The following SIL1 variants were observed in gnomAD, a reference collection of about 807,000 sequenced individuals.
SIL1 encodes nucleotide exchange factor SIL1.
SIL1 carries 40 observed loss-of-function variants against 49.1 expected under a neutral mutation model. The observed-to-expected ratio is 0.81, with a 90% CI of 0.63 to 1.06. The LOEUF (loss-of-function observed/expected upper bound fraction) is 1.06. SIL1 is among the 50% of genes least tolerant of loss of function. The pLI, the probability that SIL1 is intolerant of heterozygous loss-of-function variation, is 0.00. For missense variants in SIL1, 500 were observed against 572.6 expected, an observed-to-expected ratio of 0.87 and a Z score of 1.29; for synonymous variants, 253 against 250.8, an observed-to-expected ratio of 1.01 and a Z score of -0.08.
At chr5:139,026,477 C>T (rs1190903042) in intron 6 of SIL1, among the ~76,000 whole-genome samples, 1 of 152,126 alleles carries the variant, frequency 6.6e-6, no homozygotes, top group Admixed American at 6.5e-5. Context: ...GTGGTGCACA[C>T]CTGTAATCCC....
rs553438411 is a variant in SIL1, at chr5:139,062,780, T to A, written c.245-11734A>T. ...AACCACATTTAGGACATGGTGAGCC[T>A]CTTTCCATAAGTGGCTAGTCCACAA... is the stretch of plus-strand genomic sequence containing the variant. On this transcript the variant is annotated intron_variant, in intron 3 of 9. Transcript: ENST00000394817. Among the ~76,000 whole-genome samples, 6 of 152,336 alleles carry A rather than the reference T, an allele frequency of 3.9e-5. No individual in the cohort carries two copies. In the South Asian group the frequency reaches 1.2e-3, roughly 32 times the overall value.
intron 7 of SIL1, among the ~76,000 whole-genome samples, chr5:138,958,800 T>C (rs1163960102): frequency 6.6e-6 from 1 of 152,202 alleles, no homozygotes; most frequent in Non-Finnish European, 1.5e-5. Context: ...ACCTGTACCA[T>C]GATGTTTGTC....
intron 1 of SIL1, among the ~76,000 whole-genome samples, chr5:139,148,735 A>T (rs974106491): frequency 2.0e-5 from 3 of 152,206 alleles, no homozygotes; most frequent in African/African-American, 7.2e-5. Context: ...CACTCTTACA[A>T]CAAGGGCCCC....
At position 139,044,135 on chromosome 5, in the gene SIL1, A is replaced by T. The variant is rs114491071; in HGVS notation, c.354-1416T>A. ...ATAGCTAGTAACTCATTTATTGAGC[A>T]TTTAGCCATGTGTTAGGCAGTGTGT... On this transcript the variant is annotated intron_variant, in intron 4 of 9. Coordinates refer to ENST00000394817, the MANE Select transcript of SIL1 (RefSeq NM_022464.5). 8.3e-4 allele frequency among the ~76,000 whole-genome samples: 126 copies of T among 152,324 alleles called. 1 individual carries two copies. Among genetic ancestry groups the T allele is most frequent in the African/African-American group, 2.9e-3 (120 of 41,576 alleles).
chr5:139,190,786 T>C (rs1463047023), intron 1 of SIL1, among the ~76,000 whole-genome samples: 1 of 152,214 alleles, frequency 6.6e-6, no homozygotes, highest in African/African-American at 2.4e-5. Context: ...CCCTGATGTT[T>C]GCAAGGAAAT....
At chr5:138,963,061 A>T (rs1002970234) in intron 7 of SIL1, among the ~76,000 whole-genome samples, 3 of 152,220 alleles carry the variant, frequency 2.0e-5, no homozygotes, top group Admixed American at 1.3e-4. Context: ...ACTGAGATTT[A>T]TCAACTTTAT....
chr5:139,175,828 T>C (rs554361145), intron 1 of SIL1, among the ~76,000 whole-genome samples: 1 of 152,264 alleles, frequency 6.6e-6, no homozygotes, highest in South Asian at 2.1e-4. Context: ...CTGAGCGTGG[T>C]GGCGCATGCC....
chr5:138,978,559 T>C (rs972099716), intron 7 of SIL1, among the ~76,000 whole-genome samples: 4 of 152,248 alleles, frequency 2.6e-5, no homozygotes, highest in Non-Finnish European at 4.4e-5. Flanking sequence ...ACACCTAGCA[T>C]TGGAATTGCT....
At chr5:139,044,388 G>A (rs1488435550) in intron 4 of SIL1, among the ~76,000 whole-genome samples, 3 of 151,942 alleles carry the variant, frequency 2.0e-5, no homozygotes, top group East Asian at 1.9e-4. Context: ...CCATTATTCC[G>A]TGCATCTCTG....
At chr5:139,095,982 C>T (rs917424956) in intron 3 of SIL1, among the ~76,000 whole-genome samples, 48 of 152,194 alleles carry the variant, frequency 3.2e-4, no homozygotes, top group Non-Finnish European at 2.9e-5. Flanking sequence ...TTCATGAAAA[C>T]CAAAAATCAG....
At chr5:139,057,094 T>C (rs1050188074) in intron 3 of SIL1, among the ~76,000 whole-genome samples, 4 of 151,682 alleles carry the variant, frequency 2.6e-5, no homozygotes, top group Non-Finnish European at 4.4e-5. Flanking sequence ...CAAGATGTGC[T>C]TTGTTAAACA....
intron 1 of SIL1, among the ~76,000 whole-genome samples, chr5:139,176,410 T>C (rs1003450307): frequency 6.6e-6 from 1 of 152,198 alleles, no homozygotes; most frequent in African/African-American, 2.4e-5. Flanking sequence ...CTTCTACCCA[T>C]TACCCAGTTC....
intron 1 of SIL1, among the ~76,000 whole-genome samples, chr5:139,136,736 C>A (rs927092075): frequency 2.0e-5 from 3 of 152,036 alleles, no homozygotes; most frequent in Non-Finnish European, 4.4e-5. Flanking sequence ...AATGGGTCCA[C>A]TAAATTTTGA....
chr5:138,951,089 A>G (rs941596522), intron 9 of SIL1, 82 bp downstream of exon 9: 10 of 1,471,454 alleles, frequency 6.8e-6, no homozygotes, highest in African/African-American at 1.4e-5. Flanking sequence ...TGACGTCCGC[A>G]GTCTCTTCCA....
At chr5:139,161,133 C>T (rs1429947343) in intron 1 of SIL1, among the ~76,000 whole-genome samples, 4 of 152,044 alleles carry the variant, frequency 2.6e-5, no homozygotes, top group African/African-American at 9.7e-5. Context: ...ATTCCAGCTA[C>T]TCAGGAGGCT....
intron 1 of SIL1, among the ~76,000 whole-genome samples, chr5:139,141,638 T>C (rs1008401424): frequency 6.6e-6 from 1 of 152,068 alleles, no homozygotes; most frequent in Non-Finnish European, 1.5e-5. Flanking sequence ...GGTTGGGCAA[T>C]AGCGAGACCC....
chr5:139,054,233 G>A (rs767783809), intron 3 of SIL1, among the ~76,000 whole-genome samples: 31 of 152,212 alleles, frequency 2.0e-4, no homozygotes, highest in Admixed American at 1.2e-3. Context: ...GTGAGACCCC[G>A]TCTGTACAAA....
intron 3 of SIL1, among the ~76,000 whole-genome samples, chr5:139,115,325 T>C (rs1770964277): frequency 6.6e-6 from 1 of 152,138 alleles, no homozygotes; most frequent in African/African-American, 2.4e-5. Flanking sequence ...GCCATAAGAG[T>C]GTACTTTGTT....
At chr5:138,953,691 C>A (rs1766837010) in intron 7 of SIL1, among the ~76,000 whole-genome samples, 1 of 124,368 alleles carries the variant, frequency 8.0e-6, no homozygotes, top group African/African-American at 3.6e-5. Context: ...TCCCCTGCCC[C>A]CCACGACTTG....
Sources: allele counts gnomAD v4.1 joint callset (sites outside exome capture counted in the v4.1 genomes callset), GRCh38; gene constraint gnomAD v4.1.1; transcripts MANE v1.5; gene names NCBI Gene and HGNC (gene_info 2026-07-23, HGNC 2026-07-21).